The following EML6 variants were observed in gnomAD, a reference collection of about 807,000 sequenced individuals.
EML6 encodes echinoderm microtubule-associated protein-like 6.
A neutral mutation model predicts 240.1 loss-of-function variants in EML6; 154 were observed. The ratio of observed to expected loss-of-function variants is 0.64; its 90% CI spans 0.56 to 0.73. EML6 has a LOEUF of 0.73. Among genes scored for constraint, EML6 ranks in the 30% least tolerant of loss-of-function variants. The pLI, the probability that EML6 is intolerant of heterozygous loss-of-function variation, is 0.00. For missense variants in EML6, 2,964 were observed against 2,474.6 expected, an observed-to-expected ratio of 1.20 and a Z score of -4.20; for synonymous variants, 1,148 against 899.0, an observed-to-expected ratio of 1.28 and a Z score of -4.95.
chr2:54,818,512 C>G (rs1668180454), intron 4 of EML6, among the ~76,000 whole-genome samples: 1 of 152,148 alleles, frequency 6.6e-6, no homozygotes, highest in Non-Finnish European at 1.5e-5. Context: ...TTCATTTTCC[C>G]CAGGATACAT....
intron 26 of EML6, among the ~76,000 whole-genome samples, chr2:54,928,070 G>A (rs889809967): frequency 6.6e-6 from 1 of 152,148 alleles, no homozygotes; most frequent in Non-Finnish European, 1.5e-5. Context: ...CAGAAAATAG[G>A]TTCTGTAGTC....
Position 54,848,244 on chromosome 2 carries a change from C to T in EML6, c.1187+621C>T, listed in dbSNP as rs143729891. ...AAAATTATGACCCACTCTTGTAATT[C>T]CTCTGAATGCATTTGTCGTTCTCTC... is the stretch of plus-strand genomic sequence containing the variant. On this transcript the variant is annotated intron_variant, in intron 9 of 41. Coordinates refer to ENST00000356458, the MANE Select transcript of EML6 (RefSeq NM_001039753.4). Among the ~76,000 whole-genome samples the T allele has an allele frequency of 2.9e-4, 44 of 152,226 alleles. 1 individual carries two copies. The East Asian group carries it at 6.8e-3, about 23-fold the overall frequency.
In EML6 at chr2:54,869,219, C is replaced by T. The variant is rs1410383599; in HGVS notation, c.2090C>T (p.Thr697Ile). ...GYDCRNNLFYTQAGEVVYHIA... is the reference protein window; with the variant it reads ...GYDCRNNLFYIQAGEVVYHIA... Reference sequence around the variant, plus strand: ...GACTGTAGAAACAATCTGTTCTACACACAAGCTGGAGAAGTAGTCTACCAC... The same window carrying T: ...GACTGTAGAAACAATCTGTTCTACATACAAGCTGGAGAAGTAGTCTACCAC... Residue 697 changes from threonine (T) to isoleucine (I), a missense_variant, in exon 15 of 42, where the codon ACA becomes ATA. Transcript: ENST00000356458. The T allele has an allele frequency of 1.9e-6, 3 of 1,551,654 alleles. No homozygotes were observed. The highest frequency in any genetic ancestry group is 2.4e-5 in the East Asian group (1 of 40,928).
chr2:54,844,893 G>A (rs979677672), intron 8 of EML6, among the ~76,000 whole-genome samples: 2 of 152,172 alleles, frequency 1.3e-5, no homozygotes, highest in South Asian at 2.1e-4. Context: ...ATGAACATAT[G>A]ACTTAAAGGT....
intron 11 of EML6, among the ~76,000 whole-genome samples, chr2:54,855,958 C>G (rs1670352822): frequency 2.0e-5 from 3 of 152,162 alleles, no homozygotes; most frequent in Admixed American, 2.0e-4. Context: ...TGGGCAGGTG[C>G]TGATGACCAT....
chr2:54,733,337 G>C (rs1461565881), intron 2 of EML6, among the ~76,000 whole-genome samples: 1 of 152,172 alleles, frequency 6.6e-6, no homozygotes, highest in Non-Finnish European at 1.5e-5. Flanking sequence ...TGATTTTATG[G>C]ATAGGAATAA....
In EML6 at chr2:54,739,823, A is replaced by G. The variant is rs556818926; in HGVS notation, c.197+14565A>G. 2.0e-5 allele frequency among the ~76,000 whole-genome samples: 3 copies of G among 152,218 alleles called. No individual in the cohort carries two copies. In the South Asian group the frequency reaches 6.2e-4, roughly 32 times the overall value. On this transcript the variant is annotated intron_variant, in intron 2 of 41. Coordinates refer to ENST00000356458, the MANE Select transcript of EML6 (RefSeq NM_001039753.4). ...GGCTACAGTGTGGATAATGGATTGG[A>G]GGAAACAAGTCTGCAAGCACTTGAA...
At chr2:54,929,710 TC>T (rs1319311098) in intron 28 of EML6, among the ~76,000 whole-genome samples, 37 of 151,930 alleles carry the variant, frequency 2.4e-4, no homozygotes, top group Non-Finnish European at 5.0e-4. Flanking sequence ...CTCCTCCTCC[TC>T]CTCCTCCTCC....
At chr2:54,879,062 C>T (rs1671676551) in intron 16 of EML6, among the ~76,000 whole-genome samples, 1 of 152,156 alleles carries the variant, frequency 6.6e-6, no homozygotes, top group Non-Finnish European at 1.5e-5. Context: ...TATAATGTTC[C>T]TAATTTGGAG....
At chr2:54,939,115 T>G (rs530708823) in intron 28 of EML6, among the ~76,000 whole-genome samples, 62 of 152,380 alleles carry the variant, frequency 4.1e-4, no homozygotes, top group African/African-American at 1.5e-3. Flanking sequence ...AGATTCATTT[T>G]CATTCTAGCC....
intron 32 of EML6, among the ~76,000 whole-genome samples, chr2:54,954,711 C>T (rs1676151112): frequency 6.6e-6 from 1 of 152,176 alleles, no homozygotes; most frequent in Non-Finnish European, 1.5e-5. Context: ...AATACATGCA[C>T]ACACACCTCA....
chr2:54,807,200 A>G (rs1260612395), intron 2 of EML6, among the ~76,000 whole-genome samples: 2 of 152,176 alleles, frequency 1.3e-5, no homozygotes, highest in Non-Finnish European at 2.9e-5. Flanking sequence ...TGAGGAATAA[A>G]TTCTTGATTA....
At chr2:54,873,136 T>C (rs770717383) in intron 16 of EML6, among the ~76,000 whole-genome samples, 1 of 152,224 alleles carries the variant, frequency 6.6e-6, no homozygotes, top group Non-Finnish European at 1.5e-5. Context: ...GAATTTTACA[T>C]TATAAACCAC....
chr2:54,728,725 T>G (rs1683020206), intron 2 of EML6, among the ~76,000 whole-genome samples: 1 of 152,140 alleles, frequency 6.6e-6, no homozygotes, highest in African/African-American at 2.4e-5. Flanking sequence ...GTGGTAGAAG[T>G]AGTATTTCAC....
At position 54,891,050 on chromosome 2, in the gene EML6, A is replaced by G; in HGVS notation, c.2439-4A>G. ...GAATCTTATTTCCTATTTGTCTCTT[A>G]CAGAGGACATAAAGATAAGATATTT... On this transcript the variant is annotated splice_region_variant and splice_polypyrimidine_tract_variant and intron_variant, in intron 17 of 41. Coordinates refer to ENST00000356458, the MANE Select transcript of EML6 (RefSeq NM_001039753.4). The G allele has an allele frequency of 2.2e-6, 3 of 1,391,086 alleles. No individual in the cohort carries two copies. The highest frequency in any genetic ancestry group is 2.9e-6 in the Non-Finnish European group (3 of 1,017,086). The allele number at this position is 1,391,086 out of a possible 1,614,324, so 86.2% of individuals were successfully genotyped here.
At chr2:54,726,037 A>G (rs1461180524) in intron 2 of EML6, among the ~76,000 whole-genome samples, 1 of 152,192 alleles carries the variant, frequency 6.6e-6, no homozygotes, top group Non-Finnish European at 1.5e-5. Flanking sequence ...TCTTGGCCCT[A>G]TCCTCTCATC....
At chr2:54,875,712 C>A (rs555962473) in intron 16 of EML6, among the ~76,000 whole-genome samples, 2 of 152,256 alleles carry the variant, frequency 1.3e-5, no homozygotes, top group East Asian at 3.8e-4. Flanking sequence ...TTTATATTAT[C>A]TCAGTTGAGA....
chr2:54,851,527 G>A (rs1360288205), intron 10 of EML6, among the ~76,000 whole-genome samples: 1 of 152,148 alleles, frequency 6.6e-6, no homozygotes, highest in Non-Finnish European at 1.5e-5. Flanking sequence ...TTGAAACTGT[G>A]GTGCAACACT....
intron 34 of EML6, 25 bp from the exon 35 acceptor site, chr2:54,960,195 C>G (rs778871319): frequency 1.3e-6 from 2 of 1,497,726 alleles, no homozygotes; most frequent in Middle Eastern, 1.7e-4. Context: ...GGTTAACAGC[C>G]TGAGTCCCTT....
Sources: allele counts gnomAD v4.1 joint callset (sites outside exome capture counted in the v4.1 genomes callset), GRCh38; gene constraint gnomAD v4.1.1; transcripts MANE v1.5; gene names NCBI Gene and HGNC (gene_info 2026-07-23, HGNC 2026-07-21).